The following ADAMTS6 variants were observed in gnomAD, a reference collection of about 807,000 sequenced individuals.
ADAMTS6 encodes A disintegrin and metalloproteinase with thrombospondin motifs 6.
Under a neutral mutation model 144.3 loss-of-function variants are expected in ADAMTS6, and 23 were observed. That is an observed-to-expected ratio of 0.16 (90% CI 0.11 to 0.23). The LOEUF is 0.23. Ranked by LOEUF, ADAMTS6 falls within the 10% of genes least tolerant of loss-of-function variation. The pLI, the probability that ADAMTS6 is intolerant of heterozygous loss-of-function variation, is 1.00. For synonymous variants in ADAMTS6, 444 were observed against 457.5 expected (o/e 0.97, Z 0.38); for missense variants, 999 against 1,379.6 (o/e 0.72, Z 4.37).
At chr5:65,431,197 C>T (rs1756976548) in intron 7 of ADAMTS6, among the ~76,000 whole-genome samples, 1 of 151,986 alleles carries the variant, frequency 6.6e-6, no homozygotes, top group South Asian at 2.1e-4. Flanking sequence ...CCGCTGCAGC[C>T]ATATAAACAT....
intron 24 of ADAMTS6, among the ~76,000 whole-genome samples, chr5:65,161,796 A>C (rs1357380531): frequency 6.6e-6 from 1 of 152,238 alleles, no homozygotes; most frequent in Non-Finnish European, 1.5e-5. Context: ...AGGGAACACA[A>C]AACAAGTTAT....
chr5:65,262,176 T>C (rs751328790), intron 13 of ADAMTS6, among the ~76,000 whole-genome samples: 1 of 152,118 alleles, frequency 6.6e-6, no homozygotes, highest in Non-Finnish European at 1.5e-5. Context: ...CAAAGAATAC[T>C]GATGGTGCTG....
chr5:65,352,551 T>C (rs1436040016), intron 7 of ADAMTS6, among the ~76,000 whole-genome samples: 1 of 152,098 alleles, frequency 6.6e-6, no homozygotes, highest in Non-Finnish European at 1.5e-5. Context: ...AATCCTGTCC[T>C]ACACAAGACT....
At chr5:65,163,384 G>C (rs1318578474) in intron 24 of ADAMTS6, among the ~76,000 whole-genome samples, 1 of 152,276 alleles carries the variant, frequency 6.6e-6, no homozygotes, top group African/African-American at 2.4e-5. Flanking sequence ...ATTTAAAGTT[G>C]TGATTTTTAA....
chr5:65,465,451 C>T (rs1209606700), intron 3 of ADAMTS6, among the ~76,000 whole-genome samples: 4 of 26,094 alleles, frequency 1.5e-4, no homozygotes, highest in African/African-American at 6.8e-4. Context: ...CCTCACTCTA[C>T]CTAATCATTC....
intron 10 of ADAMTS6, among the ~76,000 whole-genome samples, 163 bp downstream of exon 10, chr5:65,299,822 A>T (rs1743189001): frequency 6.6e-6 from 1 of 152,176 alleles, no homozygotes; most frequent in African/African-American, 2.4e-5. Context: ...TGAAGAAAAA[A>T]AAATTGCCAC....
At chr5:65,394,442 C>T (rs1269945290) in intron 7 of ADAMTS6, among the ~76,000 whole-genome samples, 2 of 152,110 alleles carry the variant, frequency 1.3e-5, no homozygotes, top group African/African-American at 2.4e-5. Context: ...AGAGAAACCA[C>T]GAGCAATAAT....
intron 3 of ADAMTS6, among the ~76,000 whole-genome samples, chr5:65,465,684 CA>C (rs756598419): frequency 8.3e-4 from 126 of 152,208 alleles, no homozygotes; most frequent in Non-Finnish European, 1.4e-3. Context: ...ATGATAAATT[CA>C]ATGCAATTTG....
chr5:65,301,229 G>C (rs1047474003), intron 9 of ADAMTS6, among the ~76,000 whole-genome samples: 1 of 152,140 alleles, frequency 6.6e-6, no homozygotes, highest in Non-Finnish European at 1.5e-5. Context: ...TTTATACAAT[G>C]TATGTGTATA....
intron 1 of ADAMTS6, among the ~76,000 whole-genome samples, chr5:65,478,046 G>C (rs1403918332): frequency 1.3e-5 from 2 of 151,898 alleles, no homozygotes; most frequent in East Asian, 1.9e-4. Context: ...AGAATCACCT[G>C]ATCATGGGAG....
chr5:65,172,275 G>A (rs1351343016), intron 23 of ADAMTS6, among the ~76,000 whole-genome samples: 12 of 150,456 alleles, frequency 8.0e-5, no homozygotes, highest in Admixed American at 7.3e-4. Flanking sequence ...TTAGCTGGGC[G>A]TAGTGGCAGG....
intron 1 of ADAMTS6, among the ~76,000 whole-genome samples, chr5:65,478,984 A>G (rs541386128): frequency 2.8e-4 from 43 of 152,300 alleles, no homozygotes; most frequent in Admixed American, 2.0e-3. Flanking sequence ...TTTTTCCTCT[A>G]TCATCTTTAC....
At chr5:65,390,355 G>A (rs1752810683) in intron 7 of ADAMTS6, among the ~76,000 whole-genome samples, 1 of 152,126 alleles carries the variant, frequency 6.6e-6, no homozygotes, top group Non-Finnish European at 1.5e-5. Context: ...AAGTAAAAAA[G>A]GCATTGATAG....
At chr5:65,349,936 G>T (rs1748697502) in intron 7 of ADAMTS6, among the ~76,000 whole-genome samples, 3 of 151,622 alleles carry the variant, frequency 2.0e-5, no homozygotes, top group Non-Finnish European at 4.4e-5. Flanking sequence ...CTTATAAACA[G>T]AATTCATTGT....
intron 7 of ADAMTS6, among the ~76,000 whole-genome samples, chr5:65,383,210 T>C (rs964362697): frequency 1.3e-5 from 2 of 152,166 alleles, no homozygotes; most frequent in Non-Finnish European, 2.9e-5. Flanking sequence ...CCTTCTCACA[T>C]ACAAAATGCA....
intron 7 of ADAMTS6, among the ~76,000 whole-genome samples, chr5:65,398,381 C>G (rs1753533108): frequency 6.6e-6 from 1 of 152,144 alleles, no homozygotes; most frequent in African/African-American, 2.4e-5. Flanking sequence ...ACGTAATACC[C>G]TTCTTTATCC....
At chr5:65,188,578 T>C (rs1754812676) in intron 21 of ADAMTS6, among the ~76,000 whole-genome samples, 3 of 152,342 alleles carry the variant, frequency 2.0e-5, no homozygotes, top group African/African-American at 7.2e-5. Flanking sequence ...GATGCGCTAA[T>C]AAATGTTTAA....
At chr5:65,449,747 T>A (rs1165182129) in intron 7 of ADAMTS6, among the ~76,000 whole-genome samples, 2 of 152,142 alleles carry the variant, frequency 1.3e-5, no homozygotes, top group Non-Finnish European at 2.9e-5. Flanking sequence ...CGGGAAAATA[T>A]CAAGGCGAAT....
At chr5:65,299,195 AT>A (rs1282397263) in intron 10 of ADAMTS6, among the ~76,000 whole-genome samples, 1 of 152,154 alleles carries the variant, frequency 6.6e-6, no homozygotes, top group Non-Finnish European at 1.5e-5. Flanking sequence ...TGTATTTTAT[AT>A]ACATTATAGC....
Sources: gnomAD v4.1 joint callset for allele counts (sites outside exome capture counted in the v4.1 genomes callset) on GRCh38, gnomAD v4.1.1 for gene constraint, MANE v1.5 for transcripts, NCBI Gene and HGNC (gene_info 2026-07-23, HGNC 2026-07-21) for gene names.